The following MSRA variants were observed in gnomAD, a reference collection of about 807,000 sequenced individuals.
The protein encoded by MSRA is methionine sulfoxide reductase A, also known as mitochondrial peptide methionine sulfoxide reductase.
Under a neutral mutation model 31.3 loss-of-function variants are expected in MSRA, and 54 were observed. The observed-to-expected ratio is 1.73, with a 90% CI of 1.39 to 2.17. The LOEUF is 2.17. Ranked by LOEUF, MSRA falls within the 30% of genes most tolerant of loss-of-function variation. MSRA has a pLI of 0.00. For synonymous variants in MSRA, 169 were observed against 116.5 expected, an observed-to-expected ratio of 1.45 and a Z score of -2.90; for missense variants, 507 against 300.9, an observed-to-expected ratio of 1.69 and a Z score of -5.07.
intron 3 of MSRA, among the ~76,000 whole-genome samples, chr8:10,295,509 G>C (rs778326983): frequency 6.6e-6 from 1 of 152,158 alleles, no homozygotes; most frequent in African/African-American, 2.4e-5. Flanking sequence ...CCCCACCTGG[G>C]ACCCCACGCA....
At chr8:10,098,965 AAGG>A (rs926503267) in intron 1 of MSRA, among the ~76,000 whole-genome samples, 1 of 152,196 alleles carries the variant, frequency 6.6e-6, no homozygotes, top group Admixed American at 6.5e-5. Flanking sequence ...TTGTGAGACA[AAGG>A]AGGAAGATAA....
chr8:10,397,158 G>C (rs951339876), intron 5 of MSRA, among the ~76,000 whole-genome samples: 3 of 152,190 alleles, frequency 2.0e-5, no homozygotes, highest in Non-Finnish European at 2.9e-5. Flanking sequence ...CTCCCGGCTT[G>C]ACCTTCTGCT....
chr8:10,413,257 T>TAGG (rs1349532314), intron 5 of MSRA, among the ~76,000 whole-genome samples: 4 of 152,226 alleles, frequency 2.6e-5, no homozygotes, highest in Non-Finnish European at 5.9e-5. Context: ...TCAGCAAAGG[T>TAGG]AGGAGTCTGG....
At chr8:10,160,635 C>T (rs1030474716) in intron 1 of MSRA, among the ~76,000 whole-genome samples, 26 of 152,092 alleles carry the variant, frequency 1.7e-4, no homozygotes, top group Non-Finnish European at 7.4e-5. Context: ...CAGGTTCAAG[C>T]AATTCTGCCT....
At chr8:10,157,875 C>G (rs563831938) in intron 1 of MSRA, among the ~76,000 whole-genome samples, 2 of 152,208 alleles carry the variant, frequency 1.3e-5, no homozygotes, top group East Asian at 3.9e-4. Flanking sequence ...ACATATAACT[C>G]ACATACCGTA....
At chr8:10,292,411 G>T (rs1585385215) in intron 3 of MSRA, among the ~76,000 whole-genome samples, 1 of 152,234 alleles carries the variant, frequency 6.6e-6, no homozygotes, top group African/African-American at 2.4e-5. Context: ...GCACTCACAG[G>T]TTGCACCGCA....
intron 1 of MSRA, among the ~76,000 whole-genome samples, chr8:10,132,523 G>A (rs1801971639): frequency 6.6e-6 from 1 of 152,290 alleles, no homozygotes; most frequent in South Asian, 2.1e-4. Context: ...GCAGACTTGG[G>A]AAGTCCAAGA....
intron 2 of MSRA, among the ~76,000 whole-genome samples, chr8:10,239,351 G>C: frequency 6.6e-6 from 1 of 152,230 alleles, no homozygotes; most frequent in African/African-American, 2.4e-5. Flanking sequence ...TAGGAGAGAC[G>C]GGGTTTCACC....
intron 5 of MSRA, among the ~76,000 whole-genome samples, chr8:10,370,119 G>T (rs1805394825): frequency 6.6e-6 from 1 of 152,082 alleles, no homozygotes; most frequent in Admixed American, 6.5e-5. Context: ...CTCGTGTTTT[G>T]CAGCTGCAAA....
chr8:10,323,435 T>C (rs1314279004), intron 5 of MSRA, among the ~76,000 whole-genome samples: 1 of 152,144 alleles, frequency 6.6e-6, no homozygotes, highest in Non-Finnish European at 1.5e-5. Flanking sequence ...GATGATATCC[T>C]GGTGTTTGCA....
At chr8:10,416,419 T>G (rs1808462757) in intron 5 of MSRA, among the ~76,000 whole-genome samples, 1 of 152,184 alleles carries the variant, frequency 6.6e-6, no homozygotes, top group Non-Finnish European at 1.5e-5. Context: ...AATAAACGAT[T>G]CCATCGGGCC....
At chr8:10,424,691 G>C (rs1809026977) in intron 5 of MSRA, among the ~76,000 whole-genome samples, 1 of 152,196 alleles carries the variant, frequency 6.6e-6, no homozygotes, top group Non-Finnish European at 1.5e-5. Context: ...GGTTGGATCG[G>C]AGAGAAAGGC....
At chr8:10,361,962 A>T (rs1804874248) in intron 5 of MSRA, among the ~76,000 whole-genome samples, 1 of 151,862 alleles carries the variant, frequency 6.6e-6, no homozygotes, top group Non-Finnish European at 1.5e-5. Context: ...CCTTCTCATG[A>T]TCTGCGAGGC....
chr8:10,164,335 G>A (rs553552162), intron 1 of MSRA, among the ~76,000 whole-genome samples: 3 of 152,116 alleles, frequency 2.0e-5, no homozygotes, highest in Non-Finnish European at 4.4e-5. Context: ...CGAGGGCTGC[G>A]TATCGCCTGG....
At chr8:10,109,577 AGT>A (rs1180945310) in intron 1 of MSRA, among the ~76,000 whole-genome samples, 1 of 152,128 alleles carries the variant, frequency 6.6e-6, no homozygotes, top group Non-Finnish European at 1.5e-5. Flanking sequence ...CCTGAACTCA[AGT>A]GATCTACCCA....
At chr8:10,406,646 A>G (rs1248697258) in intron 5 of MSRA, among the ~76,000 whole-genome samples, 2 of 152,198 alleles carry the variant, frequency 1.3e-5, no homozygotes, top group African/African-American at 2.4e-5. Flanking sequence ...TCCTGGCATA[A>G]GTTAAACGGA....
chr8:10,295,129 C>G (rs765563993), intron 3 of MSRA, among the ~76,000 whole-genome samples: 1 of 152,132 alleles, frequency 6.6e-6, no homozygotes, highest in African/African-American at 2.4e-5. Context: ...AGCTAATTTC[C>G]TGGCTCTTTG....
intron 5 of MSRA, among the ~76,000 whole-genome samples, chr8:10,419,205 C>G (rs564314623): frequency 7.4e-4 from 113 of 152,306 alleles, no homozygotes; most frequent in African/African-American, 2.6e-3. Flanking sequence ...CCTTGCACCT[C>G]TCACGTGTCG....
intron 1 of MSRA, among the ~76,000 whole-genome samples, chr8:10,086,964 G>C (rs1167045542): frequency 6.6e-6 from 1 of 151,972 alleles, no homozygotes; most frequent in African/African-American, 2.4e-5. Flanking sequence ...GTTGGCCTTA[G>C]GAAGGAGGGC....
Sources: allele counts gnomAD v4.1 joint callset (sites outside exome capture counted in the v4.1 genomes callset), GRCh38; gene constraint gnomAD v4.1.1; transcripts MANE v1.5; gene names NCBI Gene and HGNC (gene_info 2026-07-23, HGNC 2026-07-21).